The following ELP2 variants were observed in gnomAD, a reference collection of about 807,000 sequenced individuals.
The protein encoded by ELP2 is elongator complex protein 2.
A neutral mutation model predicts 119.2 loss-of-function variants in ELP2; 90 were observed. The ratio of observed to expected loss-of-function variants is 0.75; its 90% CI spans 0.64 to 0.90. ELP2 has a LOEUF of 0.90. Ranked by LOEUF, ELP2 falls within the 40% of genes least tolerant of loss-of-function variation. The pLI is 0.00. For missense variants in ELP2, 921 were observed against 967.8 expected, an observed-to-expected ratio of 0.95 and a Z score of 0.64; for synonymous variants, 339 against 331.0, an observed-to-expected ratio of 1.02 and a Z score of -0.26.
In ELP2 at chr18:36,170,269, A is replaced by G. The variant is rs539135333; in HGVS notation, c.2210+73A>G. On this transcript the variant is annotated intron_variant, in intron 20 of 21. Transcript: ENST00000358232. ...TAATATGTAGCCCTCATGTCATTTCATTTGTGAATTCTCCTAGCCTCTGAG... is the reference window on the plus strand; with the variant it reads ...TAATATGTAGCCCTCATGTCATTTCGTTTGTGAATTCTCCTAGCCTCTGAG... 301 of 1,564,154 alleles carry G rather than the reference A, an allele frequency of 1.9e-4. No homozygotes were observed. In the African/African-American group the frequency reaches 3.4e-3, roughly 18 times the overall value.
chr18:36,134,104 A>G (rs2089742770), intron 2 of ELP2, among the ~76,000 whole-genome samples: 1 of 151,920 alleles, frequency 6.6e-6, no homozygotes, highest in Non-Finnish European at 1.5e-5. Flanking sequence ...TGCTGGGATT[A>G]CAGGATTAGC....
intron 2 of ELP2, 98 bp downstream of exon 2, chr18:36,133,414 C>T (rs2144562788): frequency 1.2e-6 from 1 of 825,712 alleles, no homozygotes; most frequent in South Asian, 1.4e-5. Context: ...TTAGCATTAC[C>T]TTATATGATG....
chr18:36,130,100 T>C, intron 1 of ELP2, 29 bp downstream of exon 1: 1 of 1,613,722 alleles, frequency 6.2e-7, no homozygotes, highest in African/African-American at 1.3e-5. Flanking sequence ...CGGCCGACCC[T>C]TGTGCTTTTC....
rs2091302156 is a variant in ELP2, at chr18:36,180,061, G to C, written c.*5420G>C. The C allele has an allele frequency of 6.6e-6, 1 of 152,268 alleles. No homozygotes were observed. The highest frequency in any genetic ancestry group is 1.5e-5 in the Non-Finnish European group (1 of 68,050). 9.4% of individuals were successfully genotyped at this position (152,268 alleles called of 1,614,324 possible). A position where few individuals can be genotyped will look rare whatever the true frequency, so the allele number is the denominator to read the frequency against. ...CATATGAAAGGAGTCAAGGCAGACA[G>C]ACCAGGATGGGGAGGGAGATGTCTA... is the stretch of plus-strand genomic sequence containing the variant. On this transcript the variant is annotated 3_prime_UTR_variant, in exon 22 of 22. Transcript: ENST00000358232.
chr18:36,134,785 G>A (rs1324708297), intron 2 of ELP2, among the ~76,000 whole-genome samples: 2 of 152,204 alleles, frequency 1.3e-5, no homozygotes, highest in African/African-American at 4.8e-5. Flanking sequence ...GCCTTTAGAT[G>A]GTGCTCCCAA....
rs2091225269 is a variant in ELP2 at position 36,176,472 on chromosome 18, T to C, written c.*1831T>C. The C allele has an allele frequency of 1.3e-5, 2 of 152,228 alleles. No homozygotes were observed. Among genetic ancestry groups the C allele is most frequent in the Non-Finnish European group, 2.9e-5 (2 of 68,052 alleles). 9.4% of individuals were successfully genotyped at this position (152,228 alleles called of 1,614,324 possible). A position where few individuals can be genotyped will look rare whatever the true frequency, so the allele number is the denominator to read the frequency against. ...GATTCAGAGGCCTAACTTAGTCCTT[T>C]AGCTTTCCTCCCAGCACAGAACTCC... is the stretch of plus-strand genomic sequence containing the variant. On this transcript the variant is annotated 3_prime_UTR_variant, in exon 22 of 22. Transcript: ENST00000358232.
At chr18:36,140,136 G>A (rs527425587) in intron 5 of ELP2, among the ~76,000 whole-genome samples, 66 of 151,890 alleles carry the variant, frequency 4.3e-4, no homozygotes, top group African/African-American at 1.5e-3. Context: ...GAGCCACTGC[G>A]TCTGGATCCC....
At chr18:36,133,826 G>A (rs1215107279) in intron 2 of ELP2, among the ~76,000 whole-genome samples, 2 of 150,294 alleles carry the variant, frequency 1.3e-5, no homozygotes, top group East Asian at 3.9e-4. Context: ...GAATGCAGCG[G>A]CTCCATCAGA....
At chr18:36,138,690 C>T (rs933874204) in intron 4 of ELP2, 105 bp from the exon 5 acceptor site, 21 of 1,020,398 alleles carry the variant, frequency 2.1e-5, no homozygotes, top group African/African-American at 2.0e-4. Flanking sequence ...TGACTTCTCT[C>T]ATCTCCCTTC....
intron 21 of ELP2, among the ~76,000 whole-genome samples, chr18:36,172,835 T>C (rs1446607771): frequency 7.9e-5 from 12 of 152,220 alleles, no homozygotes; most frequent in Admixed American, 6.5e-5. Flanking sequence ...GTTGTTTTTT[T>C]CTTTGGTCAT....
At chr18:36,141,270 C>A in intron 6 of ELP2, 69 bp downstream of exon 6, 2 of 1,269,360 alleles carry the variant, frequency 1.6e-6, no homozygotes, top group Non-Finnish European at 2.3e-6. Context: ...AGACTATATC[C>A]AGATTATAGA....
chr18:36,140,459 GC>G (rs2089981162), intron 5 of ELP2, among the ~76,000 whole-genome samples: 1 of 152,050 alleles, frequency 6.6e-6, no homozygotes, highest in African/African-American at 2.4e-5. Context: ...TGATTTTCCT[GC>G]TTCAGCCTCC....
At chr18:36,140,259 C>G (rs1212438200) in intron 5 of ELP2, among the ~76,000 whole-genome samples, 2 of 151,636 alleles carry the variant, frequency 1.3e-5, no homozygotes, top group Admixed American at 1.3e-4. Flanking sequence ...TCCTGAGTAG[C>G]TGGGACTCCA....
intron 1 of ELP2, among the ~76,000 whole-genome samples, chr18:36,131,688 C>T (rs1028158446): frequency 3.3e-5 from 5 of 152,218 alleles, no homozygotes; most frequent in Admixed American, 6.5e-5. Flanking sequence ...CGCTATATCA[C>T]AGGACAAGAT....
At position 36,174,566 on chromosome 18, in the gene ELP2, T is replaced by A. The variant is rs752487579; in HGVS notation, c.2406T>A (p.Ala802=). Residue 802 remains alanine, a synonymous_variant, in exon 22 of 22, where the codon GCT becomes GCA. Transcript: ENST00000358232. Reference sequence around the variant, plus strand: ...CTGAACAGAAGGAAGCAGAAGGTGCTGAGTGGTTACACTTTGCAAGCTGTG... The same window carrying A: ...CTGAACAGAAGGAAGCAGAAGGTGCAGAGTGGTTACACTTTGCAAGCTGTG... The part of the protein sequence containing the change: ...GKTEQKEAEG[A]EWLHFASCGE... The A allele has an allele frequency of 6.2e-7, 1 of 1,614,054 alleles. No individual in the cohort carries two copies. The highest frequency in any genetic ancestry group is 8.5e-7 in the Non-Finnish European group (1 of 1,179,898).
At position 36,133,282 on chromosome 18, in the gene ELP2, C is replaced by T. The variant is rs766954544; in HGVS notation, c.183C>T (p.Val61=). 46 of 1,613,732 alleles carry T rather than the reference C, an allele frequency of 2.9e-5. No individual in the cohort carries two copies. The highest frequency in any genetic ancestry group is 1.5e-4 in the Admixed American group (9 of 59,998). Residue 61 remains valine (V), a synonymous_variant, in exon 2 of 22, where the codon GTC becomes GTT. Transcript: ENST00000358232. Reference sequence around the variant, plus strand: ...ACTTGAATGGTCACACCGCCCGAGTCAATTGCATACAGTGGATTTGTAAAC... The same window carrying T: ...ACTTGAATGGTCACACCGCCCGAGTTAATTGCATACAGTGGATTTGTAAAC... ...VTNLNGHTAR[V]NCIQWICKQD... is the part of the protein sequence containing the mutation.
Position 36,142,335 on chromosome 18 carries a change from TG to T in ELP2, c.646del (p.Ala216GlnfsTer9). ...TGAGGATTGGATTAGAGGAGTGGAA[TG>T]GGCAGCCTTTGGTCAGTATGAAATT... ...GHEDWIRGVE[W>X]AAFGRDLFLA... On this transcript the variant is annotated frameshift_variant, in exon 7 of 22. Coordinates refer to ENST00000358232, the MANE Select transcript of ELP2 (RefSeq NM_018255.4). LOFTEE classifies it high-confidence loss of function. 6.2e-7 allele frequency: 1 copy of T among 1,613,966 alleles called. No homozygotes were observed. The highest frequency in any genetic ancestry group is 8.5e-7 in the Non-Finnish European group (1 of 1,179,900).
chr18:36,149,212 G>A (rs2144673963), intron 11 of ELP2, among the ~76,000 whole-genome samples: 1 of 152,268 alleles, frequency 6.6e-6, no homozygotes, highest in South Asian at 2.1e-4. Context: ...ATCTTTGAAA[G>A]GCACATTAGA....
chr18:36,150,204 G>A (rs1365801774), intron 11 of ELP2, among the ~76,000 whole-genome samples: 1 of 152,190 alleles, frequency 6.6e-6, no homozygotes, highest in Non-Finnish European at 1.5e-5. Flanking sequence ...AAACAGAGCA[G>A]TTCTTTCTGG....
Sources: allele counts gnomAD v4.1 joint callset (sites outside exome capture counted in the v4.1 genomes callset), GRCh38; gene constraint gnomAD v4.1.1; transcripts MANE v1.5; gene names NCBI Gene and HGNC (gene_info 2026-07-23, HGNC 2026-07-21).